TRDN: variants seen among roughly 807,000 people sequenced by gnomAD.
TRDN encodes triadin in skeletal muscle.
In TRDN, 161 loss-of-function variants were observed where a neutral mutation model predicts 149.7. That is an observed-to-expected ratio of 1.08 (90% confidence interval 0.95 to 1.23). The LOEUF (loss-of-function observed/expected upper bound fraction) is 1.23. Ranked by LOEUF, TRDN falls within the 50% of genes most tolerant of loss-of-function variation. TRDN has a pLI of 0.00. For synonymous variants in TRDN, 294 were observed against 250.5 expected, an observed-to-expected ratio of 1.17 and a Z score of -1.64; for missense variants, 896 against 823.5, an observed-to-expected ratio of 1.09 and a Z score of -1.08.
chr6:123,318,467 T>C (rs1779115153), intron 23 of TRDN, among the ~76,000 whole-genome samples: 1 of 152,028 alleles, frequency 6.6e-6, no homozygotes, highest in African/African-American at 2.4e-5. Flanking sequence ...AGATTCCATT[T>C]TCCCAACCTA....
chr6:123,378,197 A>G (rs1443534205), intron 16 of TRDN, among the ~76,000 whole-genome samples: 2 of 152,202 alleles, frequency 1.3e-5, no homozygotes, highest in Non-Finnish European at 2.9e-5. Context: ...AAAAAAATTA[A>G]ATTTGCTATT....
chr6:123,286,586 C>A (rs554949472), intron 24 of TRDN, among the ~76,000 whole-genome samples: 1 of 151,832 alleles, frequency 6.6e-6, no homozygotes, highest in African/African-American at 2.4e-5. Flanking sequence ...GTATACTGCT[C>A]GGGTGATAAG....
intron 10 of TRDN, among the ~76,000 whole-genome samples, chr6:123,449,863 A>T (rs964780073): frequency 6.6e-6 from 1 of 152,210 alleles, no homozygotes; most frequent in South Asian, 2.1e-4. Flanking sequence ...GATTAACAAC[A>T]GATTTCTGAG....
Position 123,636,745 on chromosome 6 carries a change from T to C in TRDN, c.22+9A>G. 1.2e-6 allele frequency: 2 copies of C among 1,611,466 alleles called. No individual in the cohort carries two copies. Among genetic ancestry groups the C allele is most frequent in the East Asian group, 2.2e-5 (1 of 44,726 alleles). ...CTTACTTGATACTATCGGAAAATGG[T>C]AGCAATACCTTCAGCAGTGATCTCA... On this transcript the variant is annotated intron_variant, in intron 1 of 40. Coordinates refer to ENST00000334268, the MANE Select transcript of TRDN (RefSeq NM_006073.4).
chr6:123,555,686 A>G (rs963027454), intron 2 of TRDN, among the ~76,000 whole-genome samples: 9 of 152,186 alleles, frequency 5.9e-5, no homozygotes, highest in African/African-American at 2.2e-4. Flanking sequence ...TTTTCCACAC[A>G]GAAGCATTTT....
intron 24 of TRDN, among the ~76,000 whole-genome samples, chr6:123,297,916 A>G (rs1342847726): frequency 2.0e-5 from 3 of 152,156 alleles, no homozygotes; most frequent in South Asian, 4.1e-4. Flanking sequence ...CACATTTCCT[A>G]TATTAGTAAA....
At chr6:123,277,952 C>A (rs1223018524) in intron 26 of TRDN, among the ~76,000 whole-genome samples, 1 of 152,090 alleles carries the variant, frequency 6.6e-6, no homozygotes, top group Non-Finnish European at 1.5e-5. Flanking sequence ...CCTACTGTAG[C>A]CTTCAGAAAT....
At chr6:123,348,773 T>G (rs1189720436) in intron 21 of TRDN, among the ~76,000 whole-genome samples, 3 of 152,102 alleles carry the variant, frequency 2.0e-5, no homozygotes, top group Non-Finnish European at 4.4e-5. Flanking sequence ...TCAATAATCT[T>G]AAACTCATAA....
intron 1 of TRDN, among the ~76,000 whole-genome samples, chr6:123,592,254 T>C (rs1016560925): frequency 2.6e-5 from 4 of 152,240 alleles, no homozygotes; most frequent in African/African-American, 9.6e-5. Flanking sequence ...ATGGACTTTT[T>C]CTATCTGGCC....
chr6:123,398,838 A>G (rs939305657), intron 12 of TRDN, among the ~76,000 whole-genome samples: 3 of 152,348 alleles, frequency 2.0e-5, no homozygotes, highest in African/African-American at 4.8e-5. Context: ...AAGGTGCACA[A>G]TGCAGAAATA....
At chr6:123,542,960 T>C (rs1780925415) in intron 4 of TRDN, among the ~76,000 whole-genome samples, 1 of 96,120 alleles carries the variant, frequency 1.0e-5, no homozygotes, top group Non-Finnish European at 2.3e-5. Flanking sequence ...TTAAGGGAAT[T>C]AAAATTTATA....
chr6:123,280,359 G>C (rs1777536888), intron 24 of TRDN, among the ~76,000 whole-genome samples: 1 of 152,156 alleles, frequency 6.6e-6, no homozygotes, highest in African/African-American at 2.4e-5. Context: ...AAGTTCAATA[G>C]CGTCAATCTT....
chr6:123,474,414 AG>A (rs1777354055), intron 9 of TRDN, among the ~76,000 whole-genome samples: 1 of 152,166 alleles, frequency 6.6e-6, no homozygotes, highest in South Asian at 2.1e-4. Context: ...AGGAGTACCA[AG>A]ATTCATAAAG....
At chr6:123,243,219 C>T (rs959609053) in intron 38 of TRDN, among the ~76,000 whole-genome samples, 1 of 152,068 alleles carries the variant, frequency 6.6e-6, no homozygotes, top group African/African-American at 2.4e-5. Context: ...AGTCTGATAG[C>T]ACAGGCCCAA....
At chr6:123,517,908 T>A (rs557532516) in intron 5 of TRDN, among the ~76,000 whole-genome samples, 52 of 152,296 alleles carry the variant, frequency 3.4e-4, no homozygotes, top group African/African-American at 1.3e-3. Flanking sequence ...CTCTACTCAG[T>A]AAATGAAATC....
intron 9 of TRDN, among the ~76,000 whole-genome samples, chr6:123,490,856 GCACTT>G (rs1215654066): frequency 6.6e-6 from 1 of 152,202 alleles, no homozygotes. Context: ...TGTAATCCCA[GCACTT>G]TGAGAGGCCG....
chr6:123,432,164 G>C (rs867474238), intron 12 of TRDN, among the ~76,000 whole-genome samples: 3 of 152,194 alleles, frequency 2.0e-5, no homozygotes, highest in Middle Eastern at 6.9e-3. Context: ...GTAAATGAAT[G>C]ATCCTTAAAG....
At chr6:123,636,400 T>C (rs759542142) in intron 1 of TRDN, among the ~76,000 whole-genome samples, 19 of 151,976 alleles carry the variant, frequency 1.3e-4, no homozygotes, top group Non-Finnish European at 2.5e-4. Context: ...TTCATCATGG[T>C]CTCCATCCTT....
chr6:123,617,982 C>T (rs1785187777), intron 1 of TRDN, among the ~76,000 whole-genome samples: 2 of 152,048 alleles, frequency 1.3e-5, no homozygotes, highest in South Asian at 2.1e-4. Context: ...GGTGATCCGC[C>T]CATCTCGGCC....
Sources: gnomAD v4.1 joint callset for allele counts (sites outside exome capture counted in the v4.1 genomes callset) on GRCh38, gnomAD v4.1.1 for gene constraint, MANE v1.5 for transcripts, NCBI Gene and HGNC (gene_info 2026-07-23, HGNC 2026-07-21) for gene names.